DNAJC1: variants seen among roughly 807,000 people sequenced by gnomAD.
The protein encoded by DNAJC1 is dnaJ homolog subfamily C member 1.
Under a neutral mutation model 76.6 loss-of-function variants are expected in DNAJC1, and 58 were observed. That is an observed-to-expected ratio of 0.76 (90% CI 0.61 to 0.94). The LOEUF is 0.94. DNAJC1 is among the 40% of genes least tolerant of loss of function. The pLI is 0.00. For synonymous variants in DNAJC1, 258 were observed against 267.9 expected, an observed-to-expected ratio of 0.96 and a Z score of 0.36; for missense variants, 689 against 677.3, an observed-to-expected ratio of 1.02 and a Z score of -0.19.
intron 11 of DNAJC1, among the ~76,000 whole-genome samples, chr10:21,758,017 T>G (rs1359534757): frequency 6.6e-6 from 1 of 152,176 alleles, no homozygotes; most frequent in Non-Finnish European, 1.5e-5. Context: ...TCGGGTAGAA[T>G]AGTTACTTCT....
intron 6 of DNAJC1, among the ~76,000 whole-genome samples, chr10:21,908,016 A>G (rs1383755067): frequency 2.2e-5 from 1 of 45,778 alleles, no homozygotes; most frequent in Non-Finnish European, 3.4e-5. Flanking sequence ...TATATATAAT[A>G]ATATATATAA....
At chr10:21,863,893 C>T (rs1835954215) in intron 8 of DNAJC1, among the ~76,000 whole-genome samples, 1 of 152,140 alleles carries the variant, frequency 6.6e-6, no homozygotes, top group Non-Finnish European at 1.5e-5. Flanking sequence ...AGACTGAATG[C>T]TTTCAAGATC....
intron 1 of DNAJC1, among the ~76,000 whole-genome samples, chr10:21,998,738 T>C (rs1484795427): frequency 6.6e-6 from 1 of 152,186 alleles, no homozygotes; most frequent in Non-Finnish European, 1.5e-5. Context: ...TAAGGATACA[T>C]GGAAGAAGAT....
At chr10:21,905,801 A>T (rs1836734575) in intron 6 of DNAJC1, among the ~76,000 whole-genome samples, 1 of 152,160 alleles carries the variant, frequency 6.6e-6, no homozygotes, top group Non-Finnish European at 1.5e-5. Flanking sequence ...GGGCCTGATG[A>T]CTAACTAAGG....
At chr10:21,882,040 G>A (rs537237109) in intron 8 of DNAJC1, among the ~76,000 whole-genome samples, 70 of 152,122 alleles carry the variant, frequency 4.6e-4, no homozygotes, top group Non-Finnish European at 9.1e-4. Context: ...TGTAGTCCCA[G>A]CTACTTGGGA....
chr10:21,847,660 C>A (rs1051943776), intron 8 of DNAJC1, among the ~76,000 whole-genome samples: 1 of 152,136 alleles, frequency 6.6e-6, no homozygotes, highest in African/African-American at 2.4e-5. Flanking sequence ...AGTTTTTCAG[C>A]TGTCACATAT....
At chr10:21,956,744 C>T (rs1318581511) in intron 1 of DNAJC1, among the ~76,000 whole-genome samples, 1 of 151,558 alleles carries the variant, frequency 6.6e-6, no homozygotes, top group African/African-American at 2.4e-5. Flanking sequence ...CTTGCCTCAA[C>T]AGTCTATTTT....
At chr10:21,952,915 A>G (rs537926933) in intron 1 of DNAJC1, among the ~76,000 whole-genome samples, 1 of 152,254 alleles carries the variant, frequency 6.6e-6, no homozygotes, top group East Asian at 1.9e-4. Context: ...TTCACCATAC[A>G]GGGTCATTCT....
intron 1 of DNAJC1, among the ~76,000 whole-genome samples, chr10:21,950,479 CACA>C (rs1345463401): frequency 6.6e-6 from 1 of 152,072 alleles, no homozygotes; most frequent in Non-Finnish European, 1.5e-5. Flanking sequence ...CTCTCCGAGA[CACA>C]ACAATATTGA....
chr10:21,827,295 T>C (rs1835276916), intron 8 of DNAJC1, among the ~76,000 whole-genome samples: 1 of 152,168 alleles, frequency 6.6e-6, no homozygotes, highest in African/African-American at 2.4e-5. Flanking sequence ...TCTTTTCCCA[T>C]TGGACATTAG....
At chr10:21,988,685 C>G (rs1838284364) in intron 1 of DNAJC1, among the ~76,000 whole-genome samples, 1 of 152,054 alleles carries the variant, frequency 6.6e-6, no homozygotes, top group Non-Finnish European at 1.5e-5. Flanking sequence ...CCTATGTTTT[C>G]TTTTGTGAAT....
At chr10:21,893,554 G>C (rs1207378604) in intron 7 of DNAJC1, among the ~76,000 whole-genome samples, 11 of 149,648 alleles carry the variant, frequency 7.4e-5, no homozygotes, top group Admixed American at 7.3e-4. Flanking sequence ...TTGAACCCAG[G>C]GGGCGGAGGT....
chr10:21,958,311 G>C (rs1381737692), intron 1 of DNAJC1, among the ~76,000 whole-genome samples: 2 of 151,984 alleles, frequency 1.3e-5, no homozygotes, highest in Admixed American at 1.3e-4. Context: ...AGAGTCACCT[G>C]TTTTAAGTGT....
intron 1 of DNAJC1, among the ~76,000 whole-genome samples, chr10:21,977,849 T>C (rs1590076478): frequency 6.6e-6 from 1 of 152,112 alleles, no homozygotes; most frequent in East Asian, 1.9e-4. Flanking sequence ...TGTGATTGTC[T>C]AATATAAAAA....
intron 1 of DNAJC1, among the ~76,000 whole-genome samples, chr10:21,972,695 A>C (rs1289923778): frequency 1.3e-5 from 2 of 152,166 alleles, no homozygotes; most frequent in Admixed American, 6.5e-5. Context: ...GTTCTAAATG[A>C]GTGATTAGGA....
intron 8 of DNAJC1, among the ~76,000 whole-genome samples, chr10:21,857,083 T>G (rs1477477360): frequency 6.6e-6 from 1 of 152,166 alleles, no homozygotes; most frequent in Non-Finnish European, 1.5e-5. Flanking sequence ...GGATCAATTC[T>G]GGAATACTCC....
At chr10:21,987,508 T>C (rs2131843699) in intron 1 of DNAJC1, among the ~76,000 whole-genome samples, 1 of 152,310 alleles carries the variant, frequency 6.6e-6, no homozygotes, top group East Asian at 1.9e-4. Flanking sequence ...GATAACATGG[T>C]GTTTACCAGA....
At chr10:21,793,213 G>A (rs917488795) in intron 9 of DNAJC1, among the ~76,000 whole-genome samples, 11 of 152,122 alleles carry the variant, frequency 7.2e-5, no homozygotes, top group Non-Finnish European at 1.5e-4. Flanking sequence ...AGCTGAGGCA[G>A]GAGAATCACT....
At chr10:21,978,404 AG>A (rs1374559185) in intron 1 of DNAJC1, among the ~76,000 whole-genome samples, 1 of 152,184 alleles carries the variant, frequency 6.6e-6, no homozygotes, top group Non-Finnish European at 1.5e-5. Flanking sequence ...AAAGTCGATT[AG>A]CAAGTGAAAA....
Sources: allele counts gnomAD v4.1 joint callset (sites outside exome capture counted in the v4.1 genomes callset), GRCh38; gene constraint gnomAD v4.1.1; transcripts MANE v1.5; gene names NCBI Gene and HGNC (gene_info 2026-07-23, HGNC 2026-07-21).